Variants in STARD13 observed in about 807,000 individuals in gnomAD.
STARD13 encodes StAR related lipid transfer domain containing 13, also known as stAR-related lipid transfer protein 13.
Under a neutral mutation model 106.4 loss-of-function variants are expected in STARD13, and 62 were observed. That is an observed-to-expected ratio of 0.58 (90% CI 0.48 to 0.72). The LOEUF (loss-of-function observed/expected upper bound fraction) is 0.72. Among genes scored for constraint, STARD13 ranks in the 30% least tolerant of loss-of-function variants. The pLI is 0.00. For synonymous variants in STARD13, 565 were observed against 553.0 expected (o/e 1.02, Z -0.31); for missense variants, 1,387 against 1,424.0 (o/e 0.97, Z 0.42).
intron 1 of STARD13, among the ~76,000 whole-genome samples, chr13:33,305,127 A>G (rs1347197463): frequency 6.6e-6 from 1 of 152,234 alleles, no homozygotes; most frequent in African/African-American, 2.4e-5. Context: ...CCTGGCTTCA[A>G]GTGATCTTCT....
the STARD13 span, among the ~76,000 whole-genome samples, chr13:33,412,773 T>G: frequency 2.0e-5 from 3 of 152,160 alleles, no homozygotes; most frequent in Admixed American, 6.5e-5. Flanking sequence ...TAATCTTAAA[T>G]GCATATGTGT....
chr13:33,378,700 G>C, the STARD13 span, among the ~76,000 whole-genome samples: 1 of 151,306 alleles, frequency 6.6e-6, no homozygotes, highest in East Asian at 1.9e-4. Flanking sequence ...TGAGGCAGGA[G>C]AATTGCTTGA....
At chr13:33,242,716 C>G (rs1418723556) in intron 1 of STARD13, among the ~76,000 whole-genome samples, 1 of 151,742 alleles carries the variant, frequency 6.6e-6, no homozygotes, top group Admixed American at 6.6e-5. Flanking sequence ...GCCAAATCCC[C>G]CTCTCCAAGA....
rs868825021 is a variant in STARD13, at chr13:33,106,899, G to A, written c.3083C>T (p.Thr1028Ile). Residue 1028 changes from threonine to isoleucine, a missense_variant, in exon 13 of 14, where the codon ACC becomes ATC. Transcript: ENST00000336934. Reference protein sequence around the residue: ...WKTDLPKGMCTLVSLSVEHEE... With the variant: ...WKTDLPKGMCILVSLSVEHEE... ...ATGCTCCACGGAGAGGGACACCAGG[G>A]TACACATTCCTTTGGGCAAATCAGT... 2.5e-6 allele frequency: 4 copies of A among 1,614,000 alleles called. No individual in the cohort carries two copies. In the African/African-American group the frequency reaches 5.3e-5, roughly 22 times the overall value.
intron 1 of STARD13, among the ~76,000 whole-genome samples, chr13:33,208,810 A>G (rs555645430): frequency 6.6e-6 from 1 of 152,262 alleles, no homozygotes; most frequent in African/African-American, 2.4e-5. Flanking sequence ...CATCTGGAGG[A>G]ATTTTTCCTG....
At position 33,201,074 on chromosome 13, in the gene STARD13, AAT is replaced by A. The variant is rs528943470; in HGVS notation, c.170-33454_170-33453del. Among the ~76,000 whole-genome samples the A allele has an allele frequency of 4.3e-3, 642 of 150,288 alleles. 11 individuals are homozygous for A. The highest frequency in any genetic ancestry group is 0.014 in the African/African-American group (558 of 40,222). ...AAATAAATAAACAAATAAAAATAAAAATAAAAAAATAAAAAATAAAAAATAGA... is the reference window on the plus strand; with the variant it reads ...AAATAAATAAACAAATAAAAATAAAAAAAAAAATAAAAAATAAAAAATAGA... On this transcript the variant is annotated intron_variant, in intron 1 of 13. Transcript: ENST00000336934.
chr13:33,526,240 C>T, the STARD13 span, among the ~76,000 whole-genome samples: 1 of 151,956 alleles, frequency 6.6e-6, no homozygotes, highest in Admixed American at 6.6e-5. Context: ...CAATTCCTTT[C>T]AATTCTATTG....
chr13:33,539,824 T>C, the STARD13 span, among the ~76,000 whole-genome samples: 1 of 152,132 alleles, frequency 6.6e-6, no homozygotes, highest in Non-Finnish European at 1.5e-5. Context: ...TCCCTACAAA[T>C]ATACAACTTA....
At chr13:33,564,764 T>C in the STARD13 span, among the ~76,000 whole-genome samples, 2 of 142,294 alleles carry the variant, frequency 1.4e-5, no homozygotes, top group South Asian at 2.2e-4. Context: ...GAGGCTGAGG[T>C]GGGCGGATCA....
At chr13:33,621,950 G>T in the STARD13 span, among the ~76,000 whole-genome samples, 1 of 150,840 alleles carries the variant, frequency 6.6e-6, no homozygotes, top group Admixed American at 6.6e-5. Context: ...GATTACAGGT[G>T]CCCACCACCA....
At chr13:33,442,552 A>G in the STARD13 span, among the ~76,000 whole-genome samples, 1 of 152,190 alleles carries the variant, frequency 6.6e-6, no homozygotes, top group South Asian at 2.1e-4. Flanking sequence ...ATGAATGTAT[A>G]CAGAATAGGA....
the STARD13 span, among the ~76,000 whole-genome samples, chr13:33,471,934 A>T: frequency 2.6e-5 from 4 of 152,150 alleles, no homozygotes; most frequent in African/African-American, 7.2e-5. Flanking sequence ...AAAGCCAATT[A>T]TGCAGAGACA....
At position 33,187,437 on chromosome 13, in the gene STARD13, A is replaced by C. The variant is rs186660016; in HGVS notation, c.170-19815T>G. On this transcript the variant is annotated intron_variant, in intron 1 of 13. Transcript: ENST00000336934. ...AAGGGTGGAGAGTGAAAGAAATAAA[A>C]AGCAAATTCATCAGTCTTACATTTA... 6.6e-5 allele frequency among the ~76,000 whole-genome samples: 10 copies of C among 152,322 alleles called. No individual in the cohort carries two copies. In the East Asian group the frequency reaches 1.5e-3, roughly 24 times the overall value.
At chr13:33,438,042 A>T in the STARD13 span, among the ~76,000 whole-genome samples, 1 of 152,212 alleles carries the variant, frequency 6.6e-6, no homozygotes, top group African/African-American at 2.4e-5. Flanking sequence ...TTCCTCACAG[A>T]GATGTAATTT....
chr13:33,250,075 A>C (rs9536879), intron 1 of STARD13, among the ~76,000 whole-genome samples: 60,812 of 151,998 alleles, frequency 0.4, 12,476 homozygotes, highest in Admixed American at 0.46. Context: ...CAGGCATGAG[A>C]CACTGTGCCC....
chr13:33,446,679 T>C, the STARD13 span, among the ~76,000 whole-genome samples: 1 of 152,190 alleles, frequency 6.6e-6, no homozygotes, highest in Non-Finnish European at 1.5e-5. Context: ...GGTGTATGTA[T>C]ATTAGCGTTC....
the STARD13 span, among the ~76,000 whole-genome samples, chr13:33,484,911 A>G: frequency 2.6e-5 from 4 of 152,364 alleles, no homozygotes; most frequent in South Asian, 8.3e-4. Context: ...GTCTTAGATC[A>G]CCTAAATTTC....
intron 1 of STARD13, among the ~76,000 whole-genome samples, chr13:33,209,457 C>CTGT (rs1479939760): frequency 8.1e-6 from 1 of 123,110 alleles, no homozygotes; most frequent in Non-Finnish European, 1.9e-5. Context: ...CTCTCTCTCT[C>CTGT]TCTTTTTTTT....
At chr13:33,189,243 C>A (rs369549219) in intron 1 of STARD13, among the ~76,000 whole-genome samples, 2 of 151,636 alleles carry the variant, frequency 1.3e-5, no homozygotes, top group South Asian at 2.1e-4. Flanking sequence ...GTTAGAATCT[C>A]CAAAGTGGCT....
Sources: gnomAD v4.1 joint callset for allele counts (sites outside exome capture counted in the v4.1 genomes callset) on GRCh38, gnomAD v4.1.1 for gene constraint, MANE v1.5 for transcripts, NCBI Gene and HGNC (gene_info 2026-07-23, HGNC 2026-07-21) for gene names.